STRN: variants seen among roughly 807,000 people sequenced by gnomAD.
STRN encodes the protein striatin.
Under a neutral mutation model 96.3 loss-of-function variants are expected in STRN, and 53 were observed. The ratio of observed to expected loss-of-function variants is 0.55; its 90% CI spans 0.44 to 0.69. STRN has a LOEUF of 0.69. STRN is among the 30% of genes least tolerant of loss of function. STRN has a pLI of 0.00. For missense variants in STRN, 987 were observed against 963.9 expected, an observed-to-expected ratio of 1.02 and a Z score of -0.32; for synonymous variants, 428 against 355.9, an observed-to-expected ratio of 1.20 and a Z score of -2.28.
At chr2:36,913,969 G>C (rs542612084) in intron 3 of STRN, among the ~76,000 whole-genome samples, 16 of 152,098 alleles carry the variant, frequency 1.1e-4, no homozygotes, top group Non-Finnish European at 2.1e-4. Context: ...GAGCTGCGCT[G>C]TTTACTTATA....
At chr2:36,860,423 T>C (rs1200452900) in intron 13 of STRN, among the ~76,000 whole-genome samples, 1 of 152,146 alleles carries the variant, frequency 6.6e-6, no homozygotes, top group Non-Finnish European at 1.5e-5. Context: ...CTGGGAAAAA[T>C]TTTTGTTTAT....
intron 9 of STRN, among the ~76,000 whole-genome samples, chr2:36,880,688 T>G (rs945447731): frequency 5.3e-5 from 8 of 152,176 alleles, no homozygotes; most frequent in African/African-American, 1.9e-4. Flanking sequence ...GTCAAAAATA[T>G]CAGTTGAATG....
chr2:36,899,328 A>G (rs1270577162), intron 6 of STRN, among the ~76,000 whole-genome samples, 195 bp downstream of exon 6: 1 of 152,208 alleles, frequency 6.6e-6, no homozygotes, highest in Non-Finnish European at 1.5e-5. Context: ...ACAGTGAGGA[A>G]TTTCAAGAGA....
At chr2:36,963,988 C>A (rs1419433396) in intron 1 of STRN, among the ~76,000 whole-genome samples, 1 of 151,124 alleles carries the variant, frequency 6.6e-6, no homozygotes, top group African/African-American at 2.4e-5. Flanking sequence ...GACCCTCTCT[C>A]CAATAAAAGG....
chr2:36,960,266 A>G (rs1664995120), intron 1 of STRN, among the ~76,000 whole-genome samples: 1 of 152,256 alleles, frequency 6.6e-6, no homozygotes, highest in Admixed American at 6.5e-5. Flanking sequence ...AAGGTAACAG[A>G]TACCTACTGG....
chr2:36,923,207 T>C (rs111945913), intron 2 of STRN, among the ~76,000 whole-genome samples: 6,531 of 151,652 alleles, frequency 0.043, 198 homozygotes, highest in African/African-American at 0.089. Context: ...CCCAGCACTT[T>C]GGGAGGCTGA....
chr2:36,951,600 C>G (rs1433175861), intron 1 of STRN, among the ~76,000 whole-genome samples: 1 of 152,186 alleles, frequency 6.6e-6, no homozygotes, highest in African/African-American at 2.4e-5. Context: ...ACAAGATATA[C>G]ATATATAGAC....
rs1246331108 is a variant in STRN, at chr2:36,839,531, CTTATT to C, written c.*9920_*9924del. 2.6e-5 allele frequency among the ~76,000 whole-genome samples: 4 copies of C among 152,158 alleles called. No homozygotes were observed. Among genetic ancestry groups the C allele is most frequent in the Non-Finnish European group, 4.4e-5 (3 of 68,018 alleles). The stretch of plus-strand genomic sequence containing the variant: ...GAGTGAACAAGTCATTTGCTGGATG[CTTATT>C]TTATTAGGTGTTTTACATCCGTTAT... On this transcript the variant is annotated 3_prime_UTR_variant, in exon 18 of 18. Transcript: ENST00000263918.
At chr2:36,943,575 C>T (rs577488802) in intron 1 of STRN, among the ~76,000 whole-genome samples, 8 of 151,630 alleles carry the variant, frequency 5.3e-5, no homozygotes, top group African/African-American at 1.9e-4. Context: ...GAGGCTGAGG[C>T]GGGAGAATCA....
At chr2:36,917,766 AAC>A (rs1368673818) in intron 2 of STRN, among the ~76,000 whole-genome samples, 1 of 152,118 alleles carries the variant, frequency 6.6e-6, no homozygotes, top group African/African-American at 2.4e-5. Flanking sequence ...TATTTTTTAT[AAC>A]AGTCTTTATA....
intron 3 of STRN, among the ~76,000 whole-genome samples, chr2:36,915,050 A>G (rs763951573): frequency 4.0e-5 from 6 of 151,040 alleles, no homozygotes; most frequent in Non-Finnish European, 8.9e-5. Flanking sequence ...ACAAAAAATT[A>G]GCCAGGCCTG....
At chr2:36,906,151 C>T (rs367923000) in intron 3 of STRN, among the ~76,000 whole-genome samples, 82 of 152,162 alleles carry the variant, frequency 5.4e-4, no homozygotes, top group African/African-American at 1.9e-3. Context: ...CACCATGTAC[C>T]CACAGAAATT....
At chr2:36,909,177 A>T (rs933177044) in intron 3 of STRN, among the ~76,000 whole-genome samples, 12 of 150,372 alleles carry the variant, frequency 8.0e-5, no homozygotes, top group East Asian at 4.0e-4. Context: ...AAAAAAAAAA[A>T]TTCAGGTTAA....
intron 13 of STRN, 84 bp downstream of exon 13, chr2:36,861,048 C>T: frequency 6.7e-7 from 1 of 1,501,948 alleles, no homozygotes; most frequent in Non-Finnish European, 9.0e-7. Context: ...TCAAAAATCT[C>T]TTTATCTCTT....
At chr2:36,863,308 G>C (rs559401425) in intron 12 of STRN, among the ~76,000 whole-genome samples, 2 of 152,012 alleles carry the variant, frequency 1.3e-5, no homozygotes, top group African/African-American at 2.4e-5. Context: ...TTTAGTTTTA[G>C]GTTTTGCATT....
At chr2:36,862,896 C>A (rs956051182) in intron 12 of STRN, among the ~76,000 whole-genome samples, 1 of 152,028 alleles carries the variant, frequency 6.6e-6, no homozygotes, top group African/African-American at 2.4e-5. Flanking sequence ...CCACCACGCC[C>A]GTCTAATTTT....
chr2:36,942,703 T>TC (rs1400795911), intron 1 of STRN, among the ~76,000 whole-genome samples: 1 of 151,904 alleles, frequency 6.6e-6, no homozygotes, highest in Non-Finnish European at 1.5e-5. Flanking sequence ...CATCAATTTT[T>TC]CTTTTTTTTT....
intron 2 of STRN, among the ~76,000 whole-genome samples, chr2:36,924,002 AG>A (rs1216443026): frequency 6.6e-6 from 1 of 152,156 alleles, no homozygotes; most frequent in East Asian, 1.9e-4. Flanking sequence ...CAAAATAGAA[AG>A]GTAAGATAAG....
Position 36,838,483 on chromosome 2 carries a change from G to A in STRN, c.*10973C>T, listed in dbSNP as rs1296557406. Among the ~76,000 whole-genome samples, 1 of 152,096 alleles carries A rather than the reference G, an allele frequency of 6.6e-6. No individual in the cohort carries two copies. Among genetic ancestry groups the A allele is most frequent in the Non-Finnish European group, 1.5e-5 (1 of 68,022 alleles). On this transcript the variant is annotated 3_prime_UTR_variant, in exon 18 of 18. Coordinates refer to ENST00000263918, the MANE Select transcript of STRN (RefSeq NM_003162.4). Reference sequence around the variant, plus strand: ...AAGATGTCTACATTTATAGTAGTCAGGAAAATGGAAATTAAAATAACACTG... The same window carrying A: ...AAGATGTCTACATTTATAGTAGTCAAGAAAATGGAAATTAAAATAACACTG...
Sources: allele counts gnomAD v4.1 joint callset (sites outside exome capture counted in the v4.1 genomes callset), GRCh38; gene constraint gnomAD v4.1.1; transcripts MANE v1.5; gene names NCBI Gene and HGNC (gene_info 2026-07-23, HGNC 2026-07-21).